DNER: variants seen among roughly 807,000 people sequenced by gnomAD.
The protein encoded by DNER is delta and Notch-like epidermal growth factor-related receptor.
DNER carries 33 observed loss-of-function variants against 78.2 expected under a neutral mutation model. That is an observed-to-expected ratio of 0.42 (90% CI 0.32 to 0.56). The LOEUF is 0.56. Ranked by LOEUF, DNER falls within the 20% of genes least tolerant of loss-of-function variation. The pLI, the probability that DNER is intolerant of heterozygous loss-of-function variation, is 0.11. For synonymous variants in DNER, 417 were observed against 384.8 expected (o/e 1.08, Z -0.98); for missense variants, 918 against 975.3 (o/e 0.94, Z 0.78).
intron 11 of DNER, among the ~76,000 whole-genome samples, chr2:229,387,327 G>A (rs936896930): frequency 2.6e-5 from 4 of 152,050 alleles, no homozygotes; most frequent in African/African-American, 9.7e-5. Flanking sequence ...GGCCTGTCAG[G>A]TGGTGGGGAG....
At chr2:229,644,250 G>C (rs140240812) in intron 1 of DNER, among the ~76,000 whole-genome samples, 160 of 151,842 alleles carry the variant, frequency 1.1e-3, no homozygotes, top group Non-Finnish European at 2.0e-3. Flanking sequence ...CGTGGAAAAT[G>C]GGGTATCCAT....
chr2:229,370,336 G>A (rs1692453339), intron 11 of DNER, among the ~76,000 whole-genome samples: 1 of 152,162 alleles, frequency 6.6e-6, no homozygotes, highest in Non-Finnish European at 1.5e-5. Context: ...AGACCCTCCT[G>A]AATATTTCAC....
chr2:229,570,828 C>G (rs1012688727), intron 4 of DNER, among the ~76,000 whole-genome samples: 2 of 151,988 alleles, frequency 1.3e-5, no homozygotes, highest in African/African-American at 4.8e-5. Context: ...GTGCAAAAGC[C>G]AAGGCACAGG....
At chr2:229,595,526 C>T (rs1697696178) in intron 1 of DNER, among the ~76,000 whole-genome samples, 1 of 152,190 alleles carries the variant, frequency 6.6e-6, no homozygotes, top group Non-Finnish European at 1.5e-5. Context: ...AGGTGATCCA[C>T]CTGCCTCGGC....
At chr2:229,438,359 T>G (rs1419842243) in intron 8 of DNER, among the ~76,000 whole-genome samples, 1 of 152,220 alleles carries the variant, frequency 6.6e-6, no homozygotes, top group Non-Finnish European at 1.5e-5. Context: ...GTTCTTGTGA[T>G]TGGTTCAAAC....
At chr2:229,689,472 T>G (rs548850016) in intron 1 of DNER, among the ~76,000 whole-genome samples, 2 of 152,298 alleles carry the variant, frequency 1.3e-5, no homozygotes, top group South Asian at 4.1e-4. Context: ...GATGAGAGCA[T>G]TCACATCAGC....
At chr2:229,428,764 G>T (rs1004667449) in intron 8 of DNER, among the ~76,000 whole-genome samples, 12 of 152,036 alleles carry the variant, frequency 7.9e-5, no homozygotes, top group Non-Finnish European at 1.3e-4. Flanking sequence ...GTTCAATTGT[G>T]CTGTAGTTAA....
chr2:229,580,849 G>A (rs1238283014), intron 4 of DNER, among the ~76,000 whole-genome samples: 3 of 152,152 alleles, frequency 2.0e-5, no homozygotes, highest in Non-Finnish European at 4.4e-5. Flanking sequence ...GCAGTTAAAG[G>A]AGATCTGAGA....
intron 5 of DNER, among the ~76,000 whole-genome samples, chr2:229,542,099 G>A (rs1696527193): frequency 6.6e-6 from 1 of 151,518 alleles, no homozygotes; most frequent in Non-Finnish European, 1.5e-5. Flanking sequence ...TGGATCTAAA[G>A]AAGAATTAAG....
At chr2:229,611,087 C>T (rs1400557860) in intron 1 of DNER, among the ~76,000 whole-genome samples, 1 of 152,184 alleles carries the variant, frequency 6.6e-6, no homozygotes, top group East Asian at 1.9e-4. Flanking sequence ...CCCTGAAAGT[C>T]GATGTGAACA....
At chr2:229,547,231 G>A in intron 4 of DNER, 139 bp from the exon 5 acceptor site, 1 of 1,209,560 alleles carries the variant, frequency 8.3e-7, no homozygotes, top group African/African-American at 1.5e-5. Flanking sequence ...ACAAAATGCA[G>A]TGAGGCAAGG....
chr2:229,670,353 G>A (rs957557768), intron 1 of DNER, among the ~76,000 whole-genome samples: 1 of 152,224 alleles, frequency 6.6e-6, no homozygotes, highest in Non-Finnish European at 1.5e-5. Context: ...ACAAGGCTGC[G>A]TGTGATGCTG....
chr2:229,564,298 C>CTCA (rs1697050653), intron 4 of DNER, among the ~76,000 whole-genome samples: 2 of 111,810 alleles, frequency 1.8e-5, no homozygotes, highest in African/African-American at 3.4e-5. Context: ...CATCATCATC[C>CTCA]TCCTCACCCC....
chr2:229,411,565 A>C (rs1693521692), intron 9 of DNER, among the ~76,000 whole-genome samples: 1 of 152,162 alleles, frequency 6.6e-6, no homozygotes, highest in African/African-American at 2.4e-5. Flanking sequence ...TCAAAAAAAA[A>C]AGTAGGTACA....
intron 11 of DNER, among the ~76,000 whole-genome samples, chr2:229,371,478 C>T (rs762034642): frequency 6.6e-6 from 1 of 152,200 alleles, no homozygotes; most frequent in Non-Finnish European, 1.5e-5. Flanking sequence ...AAATGTCACG[C>T]TTGTGAGTCT....
At chr2:229,381,227 C>T (rs114632529) in intron 11 of DNER, among the ~76,000 whole-genome samples, 2,276 of 152,234 alleles carry the variant, frequency 0.015, 29 homozygotes, top group South Asian at 0.025. Flanking sequence ...TCGTGAGGAA[C>T]GGTGCACTCC....
chr2:229,586,846 T>A, intron 3 of DNER: 1 of 985,516 alleles, frequency 1.0e-6, no homozygotes, highest in Non-Finnish European at 1.2e-6. Flanking sequence ...TCCGCACAGA[T>A]CCGCTCCCCC....
chr2:229,579,800 T>A (rs1044067109), intron 4 of DNER, among the ~76,000 whole-genome samples: 8 of 151,520 alleles, frequency 5.3e-5, no homozygotes, highest in African/African-American at 1.7e-4. Context: ...CTAAACATAG[T>A]ATAAACTGTT....
intron 4 of DNER, among the ~76,000 whole-genome samples, chr2:229,581,761 A>G (rs959532719): frequency 6.6e-6 from 1 of 152,236 alleles, no homozygotes; most frequent in Non-Finnish European, 1.5e-5. Context: ...AAACTTTTAA[A>G]GAGTATTTGT....
Sources: allele counts gnomAD v4.1 joint callset (sites outside exome capture counted in the v4.1 genomes callset), GRCh38; gene constraint gnomAD v4.1.1; transcripts MANE v1.5; gene names NCBI Gene and HGNC (gene_info 2026-07-23, HGNC 2026-07-21).